ARL15: variants seen among roughly 807,000 people sequenced by gnomAD.
ARL15 encodes the protein ARF like GTPase 15.
ARL15 carries 19 observed loss-of-function variants against 25.2 expected under a neutral mutation model. The ratio of observed to expected loss-of-function variants is 0.75; its 90% CI spans 0.53 to 1.10. The LOEUF is 1.10. Among genes scored for constraint, ARL15 ranks in the 50% least tolerant of loss-of-function variants. The pLI, the probability that ARL15 is intolerant of heterozygous loss-of-function variation, is 0.00. For missense variants in ARL15, 220 were observed against 246.0 expected, an observed-to-expected ratio of 0.89 and a Z score of 0.71; for synonymous variants, 94 against 86.8, an observed-to-expected ratio of 1.08 and a Z score of -0.46.
chr5:53,938,289 C>T (rs1362331534), intron 4 of ARL15, among the ~76,000 whole-genome samples: 1 of 151,886 alleles, frequency 6.6e-6, no homozygotes, highest in Non-Finnish European at 1.5e-5. Flanking sequence ...GCTTATAATG[C>T]CTGTGACACC....
chr5:54,136,762 G>A (rs1324371563), intron 3 of ARL15, among the ~76,000 whole-genome samples: 1 of 152,006 alleles, frequency 6.6e-6, no homozygotes, highest in Admixed American at 6.6e-5. Context: ...ATAGCCACAG[G>A]GCTGAGAGTT....
At chr5:54,118,141 G>A (rs949510710) in intron 3 of ARL15, among the ~76,000 whole-genome samples, 2 of 152,146 alleles carry the variant, frequency 1.3e-5, no homozygotes, top group Non-Finnish European at 2.9e-5. Context: ...AAGTTTTCCA[G>A]ATTCCACACT....
chr5:53,991,317 A>G (rs554792860), intron 4 of ARL15, among the ~76,000 whole-genome samples: 159 of 152,162 alleles, frequency 1.0e-3, no homozygotes, highest in African/African-American at 3.6e-3. Flanking sequence ...CGAGGCAGGC[A>G]GATCACCTGA....
intron 1 of ARL15, among the ~76,000 whole-genome samples, chr5:54,182,781 G>A (rs1434760170): frequency 2.6e-5 from 4 of 152,086 alleles, no homozygotes; most frequent in African/African-American, 7.2e-5. Context: ...CTACCCATGA[G>A]CATGGAATGT....
intron 1 of ARL15, among the ~76,000 whole-genome samples, chr5:54,197,602 T>C (rs1755587564): frequency 6.6e-6 from 1 of 152,112 alleles, no homozygotes; most frequent in African/African-American, 2.4e-5. Flanking sequence ...TTCAGCTATT[T>C]TAAAAGGCTT....
intron 4 of ARL15, among the ~76,000 whole-genome samples, chr5:54,019,035 A>G (rs989913554): frequency 2.6e-5 from 4 of 152,316 alleles, no homozygotes; most frequent in African/African-American, 7.2e-5. Flanking sequence ...TTTTTTGTCA[A>G]TGAAATGCAT....
intron 3 of ARL15, among the ~76,000 whole-genome samples, chr5:54,141,535 T>A (rs573420246): frequency 2.0e-5 from 3 of 152,312 alleles, no homozygotes; most frequent in African/African-American, 7.2e-5. Flanking sequence ...TTTTAATAGT[T>A]TTAGTGTGGT....
chr5:54,279,214 GTTT>G lies in ARL15; in HGVS notation c.48+31215_48+31217del, dbSNP rs55839349. On this transcript the variant is annotated intron_variant, in intron 1 of 4. Transcript: ENST00000504924. ...CAGGAGCTAATAAGAGTTTGTTTTTGTTTTTTTTTTTCTGGTTTATGTTATCTG... is the reference window on the plus strand; with the variant it reads ...CAGGAGCTAATAAGAGTTTGTTTTTGTTTTTTTTCTGGTTTATGTTATCTG... Among the ~76,000 whole-genome samples, 459 of 147,368 alleles carry G rather than the reference GTTT, an allele frequency of 3.1e-3. 7 individuals are homozygous for G. Among genetic ancestry groups the G allele is most frequent in the African/African-American group, 0.011 (448 of 40,342 alleles).
intron 4 of ARL15, among the ~76,000 whole-genome samples, chr5:54,020,742 T>C (rs1049472029): frequency 1.3e-5 from 2 of 148,726 alleles, no homozygotes; most frequent in Non-Finnish European, 3.0e-5. Flanking sequence ...AGGTCAGGAG[T>C]TCAAGACCAG....
At chr5:53,940,182 C>A (rs1034045803) in intron 4 of ARL15, among the ~76,000 whole-genome samples, 4 of 152,032 alleles carry the variant, frequency 2.6e-5, no homozygotes, top group African/African-American at 9.7e-5. Context: ...ACCGTGTTAG[C>A]CAGGATGGTC....
chr5:54,154,617 T>C lies in ARL15; in HGVS notation c.216A>G (p.Pro72=). 3.9e-6 allele frequency: 6 copies of C among 1,528,150 alleles called. 1 individual carries two copies. The South Asian group carries it at 7.6e-5, about 19-fold the overall frequency. 94.7% of individuals were successfully genotyped at this position (1,528,150 alleles called of 1,614,324 possible). ...STTGFSIKAV[P]FQNAILNVKE... The stretch of plus-strand genomic sequence containing the variant: ...TTACATTCAAGATGGCATTCTGGAA[T>C]GGCACTGCTTTAATACTAAAACCTA... Residue 72 remains proline (P), a synonymous_variant, in exon 3 of 5, where the codon CCA becomes CCG. Coordinates refer to ENST00000504924, the MANE Select transcript of ARL15 (RefSeq NM_019087.3).
intron 4 of ARL15, among the ~76,000 whole-genome samples, chr5:54,068,703 T>A (rs1267592355): frequency 6.6e-6 from 1 of 152,208 alleles, no homozygotes; most frequent in Non-Finnish European, 1.5e-5. Context: ...ATTTTCCAAG[T>A]ACAAAAAATT....
At chr5:54,299,482 G>A (rs1027338361) in intron 1 of ARL15, among the ~76,000 whole-genome samples, 1 of 149,276 alleles carries the variant, frequency 6.7e-6, no homozygotes, top group Admixed American at 6.7e-5. Flanking sequence ...AACGATAATA[G>A]TAAATGTATA....
At chr5:54,099,276 C>A (rs963493769) in intron 4 of ARL15, among the ~76,000 whole-genome samples, 3 of 152,084 alleles carry the variant, frequency 2.0e-5, no homozygotes, top group Non-Finnish European at 4.4e-5. Context: ...ATATCTGGAA[C>A]ATCTTAAAGA....
chr5:53,959,814 T>C (rs1747302225), intron 4 of ARL15, among the ~76,000 whole-genome samples: 1 of 152,134 alleles, frequency 6.6e-6, no homozygotes. Flanking sequence ...CTCCTTCCTT[T>C]CTTCTTGCAT....
At chr5:53,903,316 G>C (rs1485445697) in intron 4 of ARL15, among the ~76,000 whole-genome samples, 2 of 152,090 alleles carry the variant, frequency 1.3e-5, no homozygotes, top group Non-Finnish European at 2.9e-5. Context: ...TCTAAACCAG[G>C]GAAAGGAAAA....
chr5:54,205,673 T>C (rs941732357), intron 1 of ARL15, among the ~76,000 whole-genome samples: 2 of 152,198 alleles, frequency 1.3e-5, no homozygotes, highest in Non-Finnish European at 1.5e-5. Flanking sequence ...CAACAAATCT[T>C]ATTTGAGCAC....
chr5:54,057,956 T>A (rs935618519), intron 4 of ARL15, among the ~76,000 whole-genome samples: 31 of 151,996 alleles, frequency 2.0e-4, no homozygotes, highest in African/African-American at 7.5e-4. Flanking sequence ...CACAGTGGTA[T>A]TTTATCTCTG....
chr5:54,043,325 G>A (rs1247094228), intron 4 of ARL15, among the ~76,000 whole-genome samples: 1 of 151,926 alleles, frequency 6.6e-6, no homozygotes, highest in Non-Finnish European at 1.5e-5. Flanking sequence ...TCCACACTTT[G>A]CACAGTGTTT....
Sources: allele counts gnomAD v4.1 joint callset (sites outside exome capture counted in the v4.1 genomes callset), GRCh38; gene constraint gnomAD v4.1.1; transcripts MANE v1.5; gene names NCBI Gene and HGNC (gene_info 2026-07-23, HGNC 2026-07-21).